The following CNTNAP2 variants were observed in gnomAD, a reference collection of about 807,000 sequenced individuals.
CNTNAP2 encodes the protein contactin-associated protein-like 2.
A neutral mutation model predicts 155.2 loss-of-function variants in CNTNAP2; 98 were observed. That is an observed-to-expected ratio of 0.63 (90% CI 0.54 to 0.75). CNTNAP2 has a LOEUF of 0.75. Ranked by LOEUF, CNTNAP2 falls within the 30% of genes least tolerant of loss-of-function variation. The pLI, the probability that CNTNAP2 is intolerant of heterozygous loss-of-function variation, is 0.00. For synonymous variants in CNTNAP2, 651 were observed against 631.2 expected, an observed-to-expected ratio of 1.03 and a Z score of -0.47; for missense variants, 1,727 against 1,688.1, an observed-to-expected ratio of 1.02 and a Z score of -0.40.
chr7:148,306,232 G>A (rs1797489348), intron 21 of CNTNAP2, among the ~76,000 whole-genome samples: 1 of 152,024 alleles, frequency 6.6e-6, no homozygotes, highest in Non-Finnish European at 1.5e-5. Context: ...TTTTCTCTCT[G>A]GAAGATTTTA....
chr7:147,803,289 A>G (rs745658995), intron 13 of CNTNAP2, among the ~76,000 whole-genome samples: 7 of 152,186 alleles, frequency 4.6e-5, no homozygotes, highest in Non-Finnish European at 7.4e-5. Context: ...TTTTCAGCCT[A>G]GAGCCTAATT....
chr7:148,181,571 C>T (rs1361366056), intron 18 of CNTNAP2, among the ~76,000 whole-genome samples: 1 of 151,904 alleles, frequency 6.6e-6, no homozygotes, highest in Non-Finnish European at 1.5e-5. Context: ...TCTTTGGGGT[C>T]CCAGATATTT....
intron 1 of CNTNAP2, among the ~76,000 whole-genome samples, chr7:146,365,152 C>A (rs1179675613): frequency 6.6e-6 from 1 of 152,114 alleles, no homozygotes; most frequent in African/African-American, 2.4e-5. Flanking sequence ...GCCTCCAATG[C>A]ACCACTTCAT....
intron 1 of CNTNAP2, among the ~76,000 whole-genome samples, chr7:146,643,692 G>A (rs576657867): frequency 0.041 from 6,161 of 152,090 alleles, 405 homozygotes; most frequent in African/African-American, 0.14. Flanking sequence ...TTCCAATTCT[G>A]TGAAGAAAGT....
chr7:147,581,184 AT>A (rs1563007198), intron 12 of CNTNAP2, among the ~76,000 whole-genome samples: 1 of 152,172 alleles, frequency 6.6e-6, no homozygotes, highest in Non-Finnish European at 1.5e-5. Flanking sequence ...GGAGATCACC[AT>A]TTTTGTCACT....
In CNTNAP2 at chr7:147,847,927, AC is replaced by A. The variant is rs1798839636; in HGVS notation, c.2099-55635del. Among the ~76,000 whole-genome samples the A allele has an allele frequency of 1.6e-5, 2 of 128,490 alleles. 1 individual carries two copies. The highest frequency in any genetic ancestry group is 1.7e-4 in the Admixed American group (2 of 11,716). 84.3% of individuals were successfully genotyped at this position (128,490 alleles called of 152,430 possible). On this transcript the variant is annotated intron_variant, in intron 13 of 23. Transcript: ENST00000361727. ...GCTGCTCGGGGGTCAGGGGTCAGGG[AC>A]CCACTTGAGGAGGCAGTCTGCCCGT...
intron 2 of CNTNAP2, among the ~76,000 whole-genome samples, chr7:146,784,147 G>A (rs892997993): frequency 1.3e-5 from 2 of 152,102 alleles, no homozygotes. Context: ...TTGAGATGAA[G>A]AATTTTTTAG....
At chr7:148,015,059 GT>G (rs11352736) in intron 15 of CNTNAP2, among the ~76,000 whole-genome samples, 52,335 of 151,886 alleles carry the variant, frequency 0.34, 9,806 homozygotes, top group East Asian at 0.74. Context: ...CACATAGCAT[GT>G]TTTTTTGTTT....
chr7:147,491,217 C>G (rs1182547639), intron 11 of CNTNAP2, among the ~76,000 whole-genome samples: 2 of 152,138 alleles, frequency 1.3e-5, no homozygotes, highest in Non-Finnish European at 2.9e-5. Context: ...ACCTGATTTC[C>G]TCCCCTACAT....
At chr7:146,141,704 GT>G (rs1404432810) in intron 1 of CNTNAP2, among the ~76,000 whole-genome samples, 1 of 152,030 alleles carries the variant, frequency 6.6e-6, no homozygotes, top group Admixed American at 6.6e-5. Context: ...TATTGATGAA[GT>G]TAAAAATCTG....
intron 13 of CNTNAP2, among the ~76,000 whole-genome samples, chr7:147,880,356 A>G (rs1799497910): frequency 6.6e-6 from 1 of 152,226 alleles, no homozygotes; most frequent in African/African-American, 2.4e-5. Flanking sequence ...AAGTGACCAC[A>G]TGTAGATGAG....
chr7:147,004,020 C>T (rs1798476853), intron 3 of CNTNAP2, among the ~76,000 whole-genome samples: 1 of 151,584 alleles, frequency 6.6e-6, no homozygotes, highest in Non-Finnish European at 1.5e-5. Context: ...TGACAGAGAC[C>T]CTGTCTCAGA....
chr7:147,868,787 G>A (rs1051590065), intron 13 of CNTNAP2, among the ~76,000 whole-genome samples: 1 of 152,262 alleles, frequency 6.6e-6, no homozygotes, highest in African/African-American at 2.4e-5. Flanking sequence ...CCAGGCATGG[G>A]AAAGGTTCTC....
At chr7:147,617,755 T>G (rs1252032506) in intron 12 of CNTNAP2, among the ~76,000 whole-genome samples, 2 of 152,162 alleles carry the variant, frequency 1.3e-5, no homozygotes, top group Non-Finnish European at 2.9e-5. Flanking sequence ...TTTTTTCTCC[T>G]AAGACTTGAT....
chr7:147,116,724 A>T (rs570431092), intron 5 of CNTNAP2, among the ~76,000 whole-genome samples: 1 of 151,888 alleles, frequency 6.6e-6, no homozygotes, highest in East Asian at 2.0e-4. Context: ...TGGTCACTCC[A>T]TCCCAGGGAT....
chr7:146,962,581 C>T (rs1489975422), intron 3 of CNTNAP2, among the ~76,000 whole-genome samples: 3 of 152,140 alleles, frequency 2.0e-5, no homozygotes, highest in Non-Finnish European at 4.4e-5. Context: ...GACAGAGTCT[C>T]GCTCTGTTTC....
intron 22 of CNTNAP2, among the ~76,000 whole-genome samples, chr7:148,395,598 G>C (rs1181634817): frequency 1.3e-5 from 2 of 152,022 alleles, no homozygotes; most frequent in Non-Finnish European, 2.9e-5. Flanking sequence ...GCTCAGCCAT[G>C]ATGAAGAAAT....
intron 1 of CNTNAP2, among the ~76,000 whole-genome samples, chr7:146,726,203 T>G (rs1470636157): frequency 6.6e-6 from 1 of 152,192 alleles, no homozygotes; most frequent in East Asian, 1.9e-4. Context: ...TTTCAAAAAG[T>G]GTTTTCCTCA....
intron 15 of CNTNAP2, among the ~76,000 whole-genome samples, chr7:148,007,383 T>G (rs1234465880): frequency 6.6e-6 from 1 of 152,204 alleles, no homozygotes; most frequent in Non-Finnish European, 1.5e-5. Flanking sequence ...TATTCTCCAC[T>G]GTAAGCAGTC....
Sources: allele counts gnomAD v4.1 joint callset (sites outside exome capture counted in the v4.1 genomes callset), GRCh38; gene constraint gnomAD v4.1.1; transcripts MANE v1.5; gene names NCBI Gene and HGNC (gene_info 2026-07-23, HGNC 2026-07-21).